The following DIP2C variants were observed in gnomAD, a reference collection of about 807,000 sequenced individuals.
DIP2C encodes the protein disco-interacting protein 2 homolog C.
Under a neutral mutation model 192.4 loss-of-function variants are expected in DIP2C, and 33 were observed. The observed-to-expected ratio is 0.17, with a 90% confidence interval of 0.13 to 0.23. The LOEUF (loss-of-function observed/expected upper bound fraction) is 0.23. Among genes scored for constraint, DIP2C ranks in the 10% least tolerant of loss-of-function variants. The pLI is 1.00. For synonymous variants in DIP2C, 979 were observed against 864.1 expected (o/e 1.13, Z -2.33); for missense variants, 1,537 against 2,110.1 (o/e 0.73, Z 5.32).
At chr10:625,188 T>C (rs1398525471) in intron 1 of DIP2C, among the ~76,000 whole-genome samples, 1 of 152,182 alleles carries the variant, frequency 6.6e-6, no homozygotes. Context: ...TTGAACTCAC[T>C]GTCCCAAGAG....
intron 22 of DIP2C, among the ~76,000 whole-genome samples, chr10:360,633 A>G (rs1282121217): frequency 1.3e-5 from 2 of 152,110 alleles, no homozygotes; most frequent in East Asian, 3.9e-4. Flanking sequence ...TCTTCCTGCT[A>G]TTCGGGGGCA....
At chr10:400,684 T>C (rs1190198612) in intron 9 of DIP2C, among the ~76,000 whole-genome samples, 4 of 148,972 alleles carry the variant, frequency 2.7e-5, no homozygotes, top group African/African-American at 2.5e-5. Flanking sequence ...AAGTTTGGTA[T>C]GTGTTCATCA....
At chr10:415,910 G>C in intron 6 of DIP2C, 22 bp from the exon 7 acceptor site, 2 of 1,613,528 alleles carry the variant, frequency 1.2e-6, no homozygotes, top group Non-Finnish European at 1.7e-6. Flanking sequence ...GAATCAGCGG[G>C]TGGGGAAAGC....
chr10:539,077 G>A (rs1365782785), intron 1 of DIP2C, among the ~76,000 whole-genome samples: 2 of 152,268 alleles, frequency 1.3e-5, no homozygotes, highest in East Asian at 3.9e-4. Context: ...CATTCCGTGC[G>A]TTTTGTGAAT....
In DIP2C at chr10:379,237, C is replaced by T. The variant is rs565252781; in HGVS notation, c.1991+3410G>A. Among the ~76,000 whole-genome samples, 102 of 142,512 alleles carry T rather than the reference C, an allele frequency of 7.2e-4. 3 individuals are homozygous for T. The South Asian group carries it at 0.014, about 19-fold the overall frequency. 93.5% of individuals were successfully genotyped at this position (142,512 alleles called of 152,430 possible). A position where few individuals can be genotyped will look rare whatever the true frequency, so the allele number is the denominator to read the frequency against. On this transcript the variant is annotated intron_variant, in intron 17 of 36. Transcript: ENST00000280886. ...CTGACAGCTGCTGCTGGCTTCTGTA[C>T]GCCCTGCCCCGCTACCCCACCCCAA...
intron 1 of DIP2C, among the ~76,000 whole-genome samples, chr10:635,335 C>G (rs983168406): frequency 7.9e-5 from 12 of 152,370 alleles, no homozygotes; most frequent in African/African-American, 2.9e-4. Flanking sequence ...GGCACCTGGG[C>G]TGTGATCGCC....
intron 31 of DIP2C, among the ~76,000 whole-genome samples, chr10:311,136 C>T (rs755359208): frequency 2.0e-5 from 3 of 152,118 alleles, no homozygotes; most frequent in Admixed American, 6.5e-5. Flanking sequence ...GTCAGCCTCC[C>T]GGCGGACGCT....
rs1253454345 is a variant in DIP2C at position 636,768 on chromosome 10, TC to T, written c.85+52725del. On this transcript the variant is annotated intron_variant, in intron 1 of 36. Coordinates refer to ENST00000280886, the MANE Select transcript of DIP2C (RefSeq NM_014974.3). The surrounding 1 kb of genome is among the most constrained non-coding windows in gnomAD (Gnocchi z 4.6). ...TCCTGCAGAACGTCCCCCAGATGCA[TC>T]TGTCTCTCAGGGCATCATTAAATTC... is the stretch of plus-strand genomic sequence containing the variant. Among the ~76,000 whole-genome samples the T allele has an allele frequency of 6.6e-6, 1 of 152,164 alleles. No homozygotes were observed. Among genetic ancestry groups the T allele is most frequent in the Non-Finnish European group, 1.5e-5 (1 of 68,022 alleles).
rs1488372374 is a variant in DIP2C, at chr10:363,344, C to T, written c.2478-33G>A. On this transcript the variant is annotated intron_variant, in intron 20 of 36. Transcript: ENST00000280886. The surrounding 1 kb of genome is among the most constrained non-coding windows in gnomAD (Gnocchi z 5.4). ...GACACAGGAGCATGGTGAGCACGCG[C>T]CGGGGACGCTCATGCAGCCCTCCCT... is the stretch of plus-strand genomic sequence containing the variant. 1.9e-6 allele frequency: 3 copies of T among 1,591,926 alleles called. No homozygotes were observed. The highest frequency in any genetic ancestry group is 2.7e-5 in the African/African-American group (2 of 74,576).
chr10:536,287 T>C (rs958913194), intron 1 of DIP2C, among the ~76,000 whole-genome samples: 6 of 152,250 alleles, frequency 3.9e-5, no homozygotes, highest in Non-Finnish European at 5.9e-5. Flanking sequence ...ACACCAGCCA[T>C]TGGGACGTAG....
At chr10:608,125 G>GCC (rs1491474369) in intron 1 of DIP2C, among the ~76,000 whole-genome samples, 1 of 107,612 alleles carries the variant, frequency 9.3e-6, no homozygotes, top group Non-Finnish European at 1.7e-5. Flanking sequence ...CACACACACA[G>GCC]CCCCAACACA....
chr10:293,901 G>C (rs3132000), intron 32 of DIP2C, among the ~76,000 whole-genome samples: 150,653 of 152,328 alleles, frequency 0.99, 74,519 homozygotes, highest in Middle Eastern at 1. Context: ...AGGCTAAGGG[G>C]AAGAAGATCT....
chr10:626,458 A>AGTTACCCTCCGTCCCCCCGTCCCCGGG (rs1854209113), intron 1 of DIP2C, among the ~76,000 whole-genome samples: 4 of 135,652 alleles, frequency 2.9e-5, no homozygotes, highest in African/African-American at 1.3e-4. Flanking sequence ...CCGTCCCCGG[A>AGTTACCCTCCGTCCCCCCGTCCCCGGG]GTTACCCTCC....
intron 14 of DIP2C, among the ~76,000 whole-genome samples, chr10:384,964 C>T (rs1227853735): frequency 6.7e-6 from 1 of 149,600 alleles, no homozygotes; most frequent in Non-Finnish European, 1.5e-5. Flanking sequence ...CAGCAGTTCT[C>T]AAGGAGCACC....
intron 29 of DIP2C, among the ~76,000 whole-genome samples, chr10:330,441 G>T (rs531736270): frequency 9.2e-5 from 14 of 152,222 alleles, no homozygotes; most frequent in Non-Finnish European, 1.3e-4. Context: ...TTACTACTAT[G>T]AATTCACAAT....
chr10:477,738 A>C (rs1183492106), intron 2 of DIP2C, among the ~76,000 whole-genome samples: 4 of 123,298 alleles, frequency 3.2e-5, no homozygotes, highest in East Asian at 3.2e-4. Context: ...AAGGAAAGAA[A>C]GAACGAGAAA....
chr10:616,052 GCTGGGGCAGAT>G (rs909148181), intron 1 of DIP2C, among the ~76,000 whole-genome samples: 6 of 152,168 alleles, frequency 3.9e-5, no homozygotes, highest in Admixed American at 3.3e-4. Flanking sequence ...GCTGAGAAAG[GCTGGGGCAGAT>G]CTCCTCCTTG....
intron 34 of DIP2C, among the ~76,000 whole-genome samples, chr10:284,350 A>T (rs1379107631): frequency 6.6e-6 from 1 of 152,246 alleles, no homozygotes; most frequent in Non-Finnish European, 1.5e-5. Context: ...GATCAGGGAA[A>T]TGACAGCCGT....
intron 1 of DIP2C, among the ~76,000 whole-genome samples, chr10:604,963 G>A (rs1852359357): frequency 6.6e-6 from 1 of 152,188 alleles, no homozygotes; most frequent in Admixed American, 6.5e-5. Context: ...CAAGGGTGCG[G>A]GGAAAAGGCC....
Sources: gnomAD v4.1 joint callset for allele counts (sites outside exome capture counted in the v4.1 genomes callset) on GRCh38, gnomAD v4.1.1 for gene constraint, Gnocchi (gnomAD v3.1) non-coding constraint, MANE v1.5 for transcripts, NCBI Gene and HGNC (gene_info 2026-07-23, HGNC 2026-07-21) for gene names.